The following VIT variants were observed in gnomAD, a reference collection of about 807,000 sequenced individuals.
VIT encodes vitrin.
A neutral mutation model predicts 78.0 loss-of-function variants in VIT; 99 were observed. The observed-to-expected ratio is 1.27, with a 90% CI of 1.08 to 1.50. VIT has a LOEUF of 1.50. Ranked by LOEUF, VIT falls within the 40% of genes most tolerant of loss-of-function variation. VIT has a pLI of 0.00. For synonymous variants in VIT, 374 were observed against 334.3 expected, an observed-to-expected ratio of 1.12 and a Z score of -1.29; for missense variants, 1,126 against 875.3, an observed-to-expected ratio of 1.29 and a Z score of -3.61.
chr2:36,800,967 C>G (rs532021060), intron 12 of VIT, among the ~76,000 whole-genome samples: 1 of 152,284 alleles, frequency 6.6e-6, no homozygotes, highest in South Asian at 2.1e-4. Flanking sequence ...GGGATCCTGA[C>G]ATTTGCAAAA....
intron 6 of VIT, chr2:36,759,691 T>C: frequency 1.0e-6 from 1 of 988,142 alleles, no homozygotes; most frequent in Non-Finnish European, 1.2e-6. Flanking sequence ...GGATTTTGCA[T>C]TGCTTCCAGA....
intron 15 of VIT, among the ~76,000 whole-genome samples, chr2:36,810,511 A>G (rs186598923): frequency 6.6e-6 from 1 of 152,354 alleles, no homozygotes; most frequent in Admixed American, 6.5e-5. Flanking sequence ...AAGTGATAAT[A>G]ATAATACTAC....
At chr2:36,754,178 G>A (rs531988582) in intron 4 of VIT, among the ~76,000 whole-genome samples, 1 of 152,284 alleles carries the variant, frequency 6.6e-6, no homozygotes, top group Non-Finnish European at 1.5e-5. Context: ...GGGAGGGCAG[G>A]AAATGGCAAC....
rs553107050 is a variant in VIT at position 36,766,667 on chromosome 2, G to A, written c.488-427G>A. On this transcript the variant is annotated intron_variant, in intron 6 of 15. Coordinates refer to ENST00000379242, the MANE Select transcript of VIT (RefSeq NM_053276.4). ...CAACCTAAACCAGCGCATCTAAAAC[G>A]TATTCTCTAAGACTAGGTCATAATG... Among the ~76,000 whole-genome samples the A allele has an allele frequency of 2.2e-3, 332 of 152,196 alleles. 1 individual carries two copies. Among genetic ancestry groups the A allele is most frequent in the African/African-American group, 7.6e-3 (315 of 41,524 alleles).
In VIT at chr2:36,728,871, C is replaced by T. The variant is rs115132039; in HGVS notation, c.53-555C>T. On this transcript the variant is annotated intron_variant, in intron 2 of 15. Transcript: ENST00000379242. ...TTTTTTATAAATTTAGTGTAGATGA[C>T]GTATACAGTGGTTATAAAATCTACG... Among the ~76,000 whole-genome samples the T allele has an allele frequency of 5.1e-3, 763 of 148,384 alleles. 6 individuals carry two copies. The highest frequency in any genetic ancestry group is 0.018 in the African/African-American group (707 of 39,874).
intron 2 of VIT, among the ~76,000 whole-genome samples, chr2:36,728,123 G>A (rs983249582): frequency 6.6e-6 from 1 of 151,782 alleles, no homozygotes; most frequent in South Asian, 2.1e-4. Flanking sequence ...TAGAGACAGG[G>A]TTTCACCATG....
intron 2 of VIT, among the ~76,000 whole-genome samples, chr2:36,716,938 G>C (rs1358729575): frequency 7.4e-6 from 1 of 135,860 alleles, no homozygotes; most frequent in Non-Finnish European, 1.5e-5. Context: ...ATGCAGTGGA[G>C]TGATCTCGGC....
intron 1 of VIT, among the ~76,000 whole-genome samples, chr2:36,704,622 G>C (rs1665296177): frequency 6.6e-6 from 1 of 152,070 alleles, no homozygotes; most frequent in Admixed American, 6.5e-5. Flanking sequence ...GTTTCTACTG[G>C]TCCCTGGAAA....
At chr2:36,764,440 T>C (rs995999458) in intron 6 of VIT, among the ~76,000 whole-genome samples, 2 of 152,238 alleles carry the variant, frequency 1.3e-5, no homozygotes, top group Non-Finnish European at 2.9e-5. Context: ...ACTTCCCTAG[T>C]ACTTGTTATG....
intron 4 of VIT, among the ~76,000 whole-genome samples, chr2:36,751,086 C>T (rs1359305305): frequency 1.3e-5 from 2 of 152,084 alleles, no homozygotes; most frequent in African/African-American, 4.8e-5. Flanking sequence ...GTGGCAAAAC[C>T]CCGTCTCTAC....
intron 3 of VIT, 34 bp downstream of exon 3, chr2:36,729,525 G>A: frequency 1.3e-6 from 2 of 1,591,644 alleles, no homozygotes; most frequent in Non-Finnish European, 1.7e-6. Flanking sequence ...CTGGCATAAT[G>A]CTTGTTTCTC....
chr2:36,792,954 TCAAA>T (rs1665611258), intron 12 of VIT, among the ~76,000 whole-genome samples: 1 of 152,214 alleles, frequency 6.6e-6, no homozygotes, highest in South Asian at 2.1e-4. Context: ...ACATTGCTAC[TCAAA>T]GTGTGATCCA....
intron 14 of VIT, among the ~76,000 whole-genome samples, chr2:36,806,047 C>T (rs1320745571): frequency 6.6e-6 from 1 of 152,130 alleles, no homozygotes; most frequent in Admixed American, 6.5e-5. Context: ...TGTATACACA[C>T]ATTGCCGATT....
chr2:36,701,311 C>A (rs6710384), intron 1 of VIT, among the ~76,000 whole-genome samples: 119,956 of 151,852 alleles, frequency 0.79, 48,702 homozygotes, highest in Middle Eastern at 0.9. Flanking sequence ...CACTGAGGAG[C>A]CTCCATCATG....
chr2:36,742,476 C>T (rs1218669325), intron 3 of VIT, among the ~76,000 whole-genome samples: 2 of 152,158 alleles, frequency 1.3e-5, no homozygotes, highest in Non-Finnish European at 2.9e-5. Flanking sequence ...AGAGGATCCT[C>T]TAGGACCAAG....
At chr2:36,699,779 A>G (rs991852117) in intron 1 of VIT, among the ~76,000 whole-genome samples, 3 of 152,190 alleles carry the variant, frequency 2.0e-5, no homozygotes, top group Non-Finnish European at 2.9e-5. Context: ...CCATTCGGAA[A>G]GAATGTCAAA....
intron 1 of VIT, among the ~76,000 whole-genome samples, chr2:36,705,346 C>T (rs1665348514): frequency 6.6e-6 from 1 of 152,104 alleles, no homozygotes; most frequent in Admixed American, 6.5e-5. Flanking sequence ...TTCCCACTGG[C>T]AATATAAGAT....
intron 15 of VIT, among the ~76,000 whole-genome samples, chr2:36,811,598 A>G (rs1461769677): frequency 1.3e-5 from 2 of 152,160 alleles, no homozygotes; most frequent in Admixed American, 1.3e-4. Context: ...AATTGCCAGT[A>G]GGAGATTCTG....
rs369483300 is a variant in VIT at position 36,713,995 on chromosome 2, C to G, written c.-18-2358C>G. ...AAAATATAATCTGGCTACTTAAACA[C>G]CAAGTTGCCAAACAGATTGTAATGT... is the stretch of plus-strand genomic sequence containing the variant. On this transcript the variant is annotated intron_variant, in intron 1 of 15. Transcript: ENST00000379242. 9.2e-5 allele frequency among the ~76,000 whole-genome samples: 14 copies of G among 152,304 alleles called. No homozygotes were observed. The East Asian group carries it at 2.3e-3, about 25-fold the overall frequency.
Sources: gnomAD v4.1 joint callset for allele counts (sites outside exome capture counted in the v4.1 genomes callset) on GRCh38, gnomAD v4.1.1 for gene constraint, MANE v1.5 for transcripts, NCBI Gene and HGNC (gene_info 2026-07-23, HGNC 2026-07-21) for gene names.